CDH4: variants seen among roughly 807,000 people sequenced by gnomAD.
CDH4 encodes cadherin 4.
In CDH4, 33 loss-of-function variants were observed where a neutral mutation model predicts 86.0. The ratio of observed to expected loss-of-function variants is 0.38; its 90% CI spans 0.29 to 0.51. The LOEUF (loss-of-function observed/expected upper bound fraction) is 0.51. Ranked by LOEUF, CDH4 falls within the 20% of genes least tolerant of loss-of-function variation. The pLI, the probability that CDH4 is intolerant of heterozygous loss-of-function variation, is 0.86. For synonymous variants in CDH4, 555 were observed against 549.4 expected (o/e 1.01, Z -0.14); for missense variants, 1,114 against 1,307.4 (o/e 0.85, Z 2.28).
intron 2 of CDH4, among the ~76,000 whole-genome samples, chr20:61,265,012 A>G (rs1426598886): frequency 1.3e-5 from 2 of 149,256 alleles, no homozygotes; most frequent in African/African-American, 5.0e-5. Context: ...ATTCAGTCCT[A>G]CACATACCCC....
intron 3 of CDH4, among the ~76,000 whole-genome samples, chr20:61,764,545 G>T (rs1166749848): frequency 6.6e-6 from 1 of 152,072 alleles, no homozygotes; most frequent in African/African-American, 2.4e-5. Flanking sequence ...CTCGAGCCAT[G>T]GGTGGAGAGT....
At chr20:61,792,167 G>A (rs1193364036) in intron 4 of CDH4, among the ~76,000 whole-genome samples, 9 of 152,090 alleles carry the variant, frequency 5.9e-5, no homozygotes, top group Admixed American at 5.9e-4. Context: ...GAAAGCGGGG[G>A]CCCAGATGGC....
intron 6 of CDH4, among the ~76,000 whole-genome samples, chr20:61,854,487 G>C (rs1600713771): frequency 6.7e-6 from 1 of 149,836 alleles, no homozygotes; most frequent in Non-Finnish European, 1.5e-5. Flanking sequence ...AGTGTGAACA[G>C]GGTGAATTGT....
Position 61,469,616 on chromosome 20 carries a change from A to T in CDH4, c.169+214679A>T, listed in dbSNP as rs971422131. Among the ~76,000 whole-genome samples the T allele has an allele frequency of 2.0e-5, 3 of 152,080 alleles. No individual in the cohort carries two copies. The South Asian group carries it at 6.2e-4, about 32-fold the overall frequency. ...TTAGTTGCCTGTGCTTGTGGGTGTTATTCAAGAAATCTTTGCCCAGTCCAG... is the reference window on the plus strand; with the variant it reads ...TTAGTTGCCTGTGCTTGTGGGTGTTTTTCAAGAAATCTTTGCCCAGTCCAG... On this transcript the variant is annotated intron_variant, in intron 2 of 15. Coordinates refer to ENST00000614565, the MANE Select transcript of CDH4 (RefSeq NM_001794.5).
At chr20:61,909,781 C>A (rs1485635563) in intron 8 of CDH4, among the ~76,000 whole-genome samples, 1 of 152,262 alleles carries the variant, frequency 6.6e-6, no homozygotes, top group East Asian at 1.9e-4. Context: ...ACCTCCAGCA[C>A]CTTTTCTTCC....
At chr20:61,918,805 G>A (rs1358385421) in intron 9 of CDH4, among the ~76,000 whole-genome samples, 1 of 152,176 alleles carries the variant, frequency 6.6e-6, no homozygotes, top group Non-Finnish European at 1.5e-5. Flanking sequence ...CCCTCCTGGA[G>A]GCAGTCATGG....
intron 3 of CDH4, among the ~76,000 whole-genome samples, chr20:61,758,404 T>C (rs2145965705): frequency 6.6e-6 from 1 of 152,298 alleles, no homozygotes; most frequent in South Asian, 2.1e-4. Context: ...ATTGTGGTGC[T>C]GTGGATAGGC....
intron 2 of CDH4, among the ~76,000 whole-genome samples, chr20:61,691,557 G>A (rs1198160993): frequency 6.6e-6 from 1 of 152,150 alleles, no homozygotes; most frequent in Non-Finnish European, 1.5e-5. Flanking sequence ...TCTGAGAAAT[G>A]CGTCAGCAGC....
intron 2 of CDH4, among the ~76,000 whole-genome samples, chr20:61,633,857 A>G (rs1378684080): frequency 6.6e-6 from 1 of 152,166 alleles, no homozygotes; most frequent in Non-Finnish European, 1.5e-5. Flanking sequence ...AGCTGTCCAT[A>G]CTGTGCTCTT....
At chr20:61,658,652 C>T (rs891781868) in intron 2 of CDH4, among the ~76,000 whole-genome samples, 1 of 152,218 alleles carries the variant, frequency 6.6e-6, no homozygotes, top group African/African-American at 2.4e-5. Flanking sequence ...CCCAGGAGCC[C>T]TCCTGTCTCA....
At chr20:61,539,191 C>T (rs1467445674) in intron 2 of CDH4, among the ~76,000 whole-genome samples, 1 of 152,192 alleles carries the variant, frequency 6.6e-6, no homozygotes, top group Non-Finnish European at 1.5e-5. Flanking sequence ...TGCCTCTGGC[C>T]TCCTGTTCTC....
intron 2 of CDH4, among the ~76,000 whole-genome samples, chr20:61,583,094 T>A (rs907943046): frequency 4.5e-5 from 6 of 133,078 alleles, no homozygotes; most frequent in Non-Finnish European, 8.0e-5. Context: ...AGAGGGGAGG[T>A]GAAGAGAAGA....
intron 2 of CDH4, among the ~76,000 whole-genome samples, chr20:61,376,329 G>A (rs2084872306): frequency 6.6e-6 from 1 of 152,120 alleles, no homozygotes. Context: ...TGTGTGGGAT[G>A]TGAGTGTTGT....
intron 2 of CDH4, among the ~76,000 whole-genome samples, chr20:61,513,257 G>A (rs1040422072): frequency 2.0e-5 from 3 of 152,198 alleles, no homozygotes; most frequent in South Asian, 2.1e-4. Flanking sequence ...TCAGGCCCAC[G>A]GGCTGTGATG....
At chr20:61,527,048 T>A (rs2085916108) in intron 2 of CDH4, among the ~76,000 whole-genome samples, 2 of 152,196 alleles carry the variant, frequency 1.3e-5, no homozygotes, top group African/African-American at 4.8e-5. Flanking sequence ...CTCCGTGGTG[T>A]CTCTCTAGCT....
intron 2 of CDH4, among the ~76,000 whole-genome samples, chr20:61,413,285 C>G (rs1468236010): frequency 6.6e-6 from 1 of 150,964 alleles, no homozygotes; most frequent in Non-Finnish European, 1.5e-5. Flanking sequence ...GGTTGTGTTT[C>G]TCTTTGTACC....
At chr20:61,492,007 G>T (rs73611529) in intron 2 of CDH4, among the ~76,000 whole-genome samples, 2 of 151,688 alleles carry the variant, frequency 1.3e-5, no homozygotes, top group South Asian at 2.1e-4. Context: ...GTTGATGTTG[G>T]TGGTGTCAAT....
chr20:61,575,081 G>C (rs1478021831), intron 2 of CDH4, among the ~76,000 whole-genome samples: 1 of 152,196 alleles, frequency 6.6e-6, no homozygotes, highest in Non-Finnish European at 1.5e-5. Context: ...TTCATCTGCA[G>C]GTGACAACAC....
rs764588345 is a variant in CDH4, at chr20:61,565,307, T to TTGGTGA, written c.170-178251_170-178250insATGGTG. On this transcript the variant is annotated intron_variant, in intron 2 of 15. Transcript: ENST00000614565. Reference sequence around the variant, plus strand: ...TGGGGTGATGGTGGTGGCGGTGCTCTTGGTGGTGGCGGTGCTCTTGGTGAT... The same window carrying TTGGTGA: ...TGGGGTGATGGTGGTGGCGGTGCTCTTGGTGATGGTGGTGGCGGTGCTCTTGGTGAT... 1.9e-4 allele frequency among the ~76,000 whole-genome samples: 8 copies of TTGGTGA among 42,570 alleles called. 1 individual carries two copies. The highest frequency in any genetic ancestry group is 3.6e-4 in the Admixed American group (2 of 5,480). The allele number at this position is 42,570 out of a possible 152,430, so 27.9% of individuals were successfully genotyped here.
Sources: gnomAD v4.1 joint callset for allele counts (sites outside exome capture counted in the v4.1 genomes callset) on GRCh38, gnomAD v4.1.1 for gene constraint, MANE v1.5 for transcripts, NCBI Gene and HGNC (gene_info 2026-07-23, HGNC 2026-07-21) for gene names.